The following NEAT1 variants were observed in gnomAD, a reference collection of about 807,000 sequenced individuals.
NEAT1 encodes nuclear paraspeckle assembly transcript 1, also known as MENepsilon/beta.
chr11:65,436,182 A>G (rs1174704725), exon 1 of NEAT1: 1 of 152,238 alleles, frequency 6.6e-6, no homozygotes, highest in Non-Finnish European at 1.5e-5. Context: ...CATTGTACAC[A>G]GCGAGGCACC....
chr11:65,429,404 G>A (rs1418448351), exon 1 of NEAT1: 1 of 152,182 alleles, frequency 6.6e-6, no homozygotes, highest in East Asian at 1.9e-4. Flanking sequence ...GATCGAGTCT[G>A]CTTTCCCTCT....
At chr11:65,440,016 G>A (rs1389008460) in exon 1 of NEAT1, 1 of 152,132 alleles carries the variant, frequency 6.6e-6, no homozygotes, top group Non-Finnish European at 1.5e-5. Flanking sequence ...CAGCACTGTG[G>A]GAGGCTGAGG....
exon 1 of NEAT1, chr11:65,437,195 GTATATATATATATATGTA>G (rs1171212520): frequency 1.5e-5 from 2 of 129,052 alleles, no homozygotes; most frequent in African/African-American, 3.0e-5. Context: ...ATATATATAT[GTATATATATATATATGTA>G]TATATATATA....
At chr11:65,425,784 T>G (rs903218729) in exon 1 of NEAT1, 1 of 152,164 alleles carries the variant, frequency 6.6e-6, no homozygotes, top group Admixed American at 6.6e-5. Context: ...TGGTCGATAT[T>G]AATAATGGCA....
exon 1 of NEAT1, chr11:65,430,866 T>C (rs1856608441): frequency 6.6e-6 from 1 of 152,246 alleles, no homozygotes; most frequent in Non-Finnish European, 1.5e-5. Flanking sequence ...ATTTTATTTA[T>C]TTCTTGCTAC....
chr11:65,423,396 C>T (rs1364235360), exon 1 of NEAT1: 2 of 152,106 alleles, frequency 1.3e-5, no homozygotes. Flanking sequence ...ATGTAATTTT[C>T]GCTCGGCCTG....
At chr11:65,439,901 A>C (rs561132194) in exon 1 of NEAT1, 4 of 152,170 alleles carry the variant, frequency 2.6e-5, no homozygotes, top group African/African-American at 9.6e-5. Context: ...GTCAGCAGAC[A>C]CCCCCTGCTA....
chr11:65,433,009 CAAAAAAA>C (rs796625125), exon 1 of NEAT1: 1 of 123,940 alleles, frequency 8.1e-6, no homozygotes, highest in African/African-American at 2.9e-5. Flanking sequence ...AAAATTGCTG[CAAAAAAA>C]AAAAAAACCA....
exon 1 of NEAT1, chr11:65,428,504 G>C (rs1856583411): frequency 1.3e-5 from 2 of 152,102 alleles, no homozygotes; most frequent in Non-Finnish European, 2.9e-5. Flanking sequence ...GCTTTGTGTG[G>C]TACTCATTAT....
chr11:65,437,198 T>TATATATATATATACATATATATATAC, exon 1 of NEAT1: 1 of 133,496 alleles, frequency 7.5e-6, no homozygotes, highest in Non-Finnish European at 1.6e-5. Context: ...TATATATGTA[T>TATATATATATATACATATATATATAC]ATATATATAT....
exon 1 of NEAT1, chr11:65,438,594 T>C (rs1396553478): frequency 6.6e-6 from 1 of 152,230 alleles, no homozygotes; most frequent in Non-Finnish European, 1.5e-5. Context: ...TTGTGCTCTC[T>C]GTCTGTGTGA....
At chr11:65,427,962 A>G (rs1856578172) in exon 1 of NEAT1, 1 of 152,214 alleles carries the variant, frequency 6.6e-6, no homozygotes, top group African/African-American at 2.4e-5. Context: ...ATACAGGAGC[A>G]GAGAGGTGAG....
chr11:65,431,194 A>G (rs1856610910), exon 1 of NEAT1: 1 of 152,188 alleles, frequency 6.6e-6, no homozygotes, highest in South Asian at 2.1e-4. Flanking sequence ...AGATGCGTCT[A>G]TGTTGTAGCA....
chr11:65,436,005 A>G (rs1451497045), exon 1 of NEAT1: 2 of 152,232 alleles, frequency 1.3e-5, no homozygotes, highest in Non-Finnish European at 2.9e-5. Flanking sequence ...TGGTCTGGGA[A>G]GGAGTGCTGT....
At chr11:65,426,892 G>A (rs1439330291) in exon 1 of NEAT1, 1 of 152,208 alleles carries the variant, frequency 6.6e-6, no homozygotes, top group Non-Finnish European at 1.5e-5. Context: ...TTAGGGGAAA[G>A]CCTGAATAAA....
At chr11:65,440,695 A>G (rs1423255753) in exon 1 of NEAT1, 6 of 151,290 alleles carry the variant, frequency 4.0e-5, no homozygotes, top group African/African-American at 1.5e-4. Context: ...ATACAAAAAA[A>G]TTAGCCAGGT....
exon 1 of NEAT1, chr11:65,426,432 G>C (rs1856562639): frequency 1.3e-5 from 2 of 152,182 alleles, no homozygotes; most frequent in South Asian, 4.1e-4. Context: ...ATGTTGCTCT[G>C]TATGGTAAGA....
chr11:65,437,195 G>GTATATATATATATATATGTATATATATA (rs71840262), exon 1 of NEAT1: 2 of 129,050 alleles, frequency 1.5e-5, no homozygotes, highest in African/African-American at 6.0e-5. Flanking sequence ...ATATATATAT[G>GTATATATATATATATATGTATATATATA]TATATATATA....
chr11:65,423,718 C>G (rs1856527419), exon 1 of NEAT1: 1 of 152,298 alleles, frequency 6.6e-6, no homozygotes, highest in African/African-American at 2.4e-5. Context: ...TTTAACTTAT[C>G]CATTCACTTA....
Sources: allele counts gnomAD v4.1 joint callset, GRCh38; gene constraint gnomAD v4.1.1; transcripts MANE v1.5; gene names NCBI Gene and HGNC (gene_info 2026-07-23, HGNC 2026-07-21).